Variants in ETV6 observed in about 807,000 individuals in gnomAD.
ETV6 encodes the protein ETS variant transcription factor 6, also known as transcription factor ETV6.
ETV6 carries 16 observed loss-of-function variants against 51.1 expected under a neutral mutation model. That is an observed-to-expected ratio of 0.31 (90% CI 0.21 to 0.48). The LOEUF (loss-of-function observed/expected upper bound fraction) is 0.48. Among genes scored for constraint, ETV6 ranks in the 20% least tolerant of loss-of-function variants. The pLI is 0.99. For missense variants in ETV6, 458 were observed against 594.8 expected (o/e 0.77, Z 2.39); for synonymous variants, 240 against 224.1 (o/e 1.07, Z -0.64).
intron 1 of ETV6, among the ~76,000 whole-genome samples, chr12:11,741,634 C>G (rs1865814260): frequency 6.6e-6 from 1 of 152,128 alleles, no homozygotes; most frequent in Non-Finnish European, 1.5e-5. Context: ...CTGCTTGGAG[C>G]AGTTGTTCAT....
chr12:11,773,762 A>G (rs908101679), intron 2 of ETV6, among the ~76,000 whole-genome samples: 3 of 152,244 alleles, frequency 2.0e-5, no homozygotes, highest in African/African-American at 4.8e-5. Flanking sequence ...TGGAAAACAT[A>G]AACAGACCCT....
chr12:11,864,662 C>G (rs1382061903), intron 4 of ETV6, among the ~76,000 whole-genome samples: 2 of 152,064 alleles, frequency 1.3e-5, no homozygotes, highest in African/African-American at 4.8e-5. Flanking sequence ...TTAGTTGGTG[C>G]CCAGTAAGCA....
chr12:11,874,694 G>A (rs1000242825), intron 5 of ETV6, among the ~76,000 whole-genome samples: 8 of 140,610 alleles, frequency 5.7e-5, no homozygotes, highest in African/African-American at 2.2e-4. Context: ...GTATATGTGT[G>A]TATATATGTA....
intron 7 of ETV6, among the ~76,000 whole-genome samples, chr12:11,890,489 A>G (rs1947270331): frequency 6.6e-6 from 1 of 151,602 alleles, no homozygotes; most frequent in African/African-American, 2.4e-5. Flanking sequence ...GTGCAGTAGC[A>G]TGATCATAGC....
rs1947363550 is a variant in ETV6 at position 11,894,588 on chromosome 12, A to G, written c.*3542A>G. The G allele has an allele frequency of 4.3e-6, 1 of 233,140 alleles. No homozygotes were observed. Among genetic ancestry groups the G allele is most frequent in the African/African-American group, 2.2e-5 (1 of 45,336 alleles). The allele number at this position is 233,140 out of a possible 1,614,324, so 14.4% of individuals were successfully genotyped here. On this transcript the variant is annotated 3_prime_UTR_variant, in exon 8 of 8. Transcript: ENST00000396373. ...TCTGATCCAATGTCTTTTGATACTG[A>G]TCTCTTGTCCAAATGAGAATGTCGC...
chr12:11,861,508 C>A (rs572522252), intron 4 of ETV6, among the ~76,000 whole-genome samples: 1 of 152,320 alleles, frequency 6.6e-6, no homozygotes, highest in South Asian at 2.1e-4. Context: ...ACAGGAGGGA[C>A]CCCTCACCCT....
chr12:11,810,811 A>G (rs1945901749), intron 2 of ETV6, among the ~76,000 whole-genome samples: 1 of 152,188 alleles, frequency 6.6e-6, no homozygotes, highest in South Asian at 2.1e-4. Flanking sequence ...TTGGGGTTAG[A>G]TGGATGATCC....
At chr12:11,690,095 TG>T in intron 1 of ETV6, among the ~76,000 whole-genome samples, 1 of 151,914 alleles carries the variant, frequency 6.6e-6, no homozygotes, top group Non-Finnish European at 1.5e-5. Context: ...GTGCATCTGG[TG>T]GTGTCCAGAG....
chr12:11,837,920 C>T (rs1946339226), intron 2 of ETV6, among the ~76,000 whole-genome samples: 1 of 152,146 alleles, frequency 6.6e-6, no homozygotes, highest in African/African-American at 2.4e-5. Flanking sequence ...CTGTAGTTAC[C>T]ATATTATTAC....
Position 11,885,918 on chromosome 12 carries a change from A to G in ETV6, c.1153-8A>G. 1.2e-6 allele frequency: 2 copies of G among 1,605,996 alleles called. No homozygotes were observed. The highest frequency in any genetic ancestry group is 1.7e-6 in the Non-Finnish European group (2 of 1,174,050). On this transcript the variant is annotated splice_polypyrimidine_tract_variant and splice_region_variant and intron_variant, in intron 6 of 7. Transcript: ENST00000396373. ...CTTTTTTTCTCCCTTCCTCCTTTGA[A>G]CAAACAGAACAGAACAAACATGACC...
intron 2 of ETV6, among the ~76,000 whole-genome samples, chr12:11,776,877 C>A (rs761906392): frequency 1.3e-5 from 2 of 152,202 alleles, no homozygotes; most frequent in Non-Finnish European, 2.9e-5. Flanking sequence ...GCAGCAGAGG[C>A]CACCACCAGC....
At chr12:11,852,531 A>T (rs1217377170) in intron 3 of ETV6, among the ~76,000 whole-genome samples, 1 of 152,180 alleles carries the variant, frequency 6.6e-6, no homozygotes, top group Non-Finnish European at 1.5e-5. Context: ...CTGTAGGGAA[A>T]ATTTCTGTGA....
intron 4 of ETV6, among the ~76,000 whole-genome samples, chr12:11,865,524 C>G (rs2136527890): frequency 6.7e-6 from 1 of 150,294 alleles, no homozygotes; most frequent in South Asian, 2.1e-4. Context: ...TGTGTTTGAG[C>G]AGTCCCTCTC....
intron 5 of ETV6, among the ~76,000 whole-genome samples, chr12:11,881,496 G>T (rs1947093033): frequency 6.6e-6 from 1 of 152,222 alleles, no homozygotes; most frequent in South Asian, 2.1e-4. Flanking sequence ...GGCCCTGGCA[G>T]ATGAGGCATC....
In ETV6 at chr12:11,649,808, G is replaced by A. The variant is rs1357825511; in HGVS notation, c.-320G>A. 2 of 147,160 alleles carry A rather than the reference G, an allele frequency of 1.4e-5. No individual in the cohort carries two copies. The highest frequency in any genetic ancestry group is 4.2e-4 in the South Asian group (2 of 4,810). The allele number at this position is 147,160 out of a possible 1,614,324, so 9.1% of individuals were successfully genotyped here. ...GAGCCGCGGGAGGGCGGGGGGCGGGGGCGCCGGCTGCGGGTGGGAGGAGAG... is the reference window on the plus strand; with the variant it reads ...GAGCCGCGGGAGGGCGGGGGGCGGGAGCGCCGGCTGCGGGTGGGAGGAGAG... On this transcript the variant is annotated 5_prime_UTR_variant, in exon 1 of 8. Transcript: ENST00000396373.
intron 1 of ETV6, among the ~76,000 whole-genome samples, chr12:11,705,998 C>T (rs1865066686): frequency 6.6e-6 from 1 of 152,232 alleles, no homozygotes; most frequent in South Asian, 2.1e-4. Context: ...GGGGGTCACC[C>T]CCTGAACTTT....
intron 1 of ETV6, among the ~76,000 whole-genome samples, chr12:11,677,737 A>G (rs1864448071): frequency 6.6e-6 from 1 of 152,224 alleles, no homozygotes; most frequent in Admixed American, 6.5e-5. Context: ...TTGGCGGACA[A>G]ATTACTGGAC....
rs78443302 is a variant in ETV6, at chr12:11,739,644, C to T, written c.34-12806C>T. On this transcript the variant is annotated intron_variant, in intron 1 of 7. Coordinates refer to ENST00000396373, the MANE Select transcript of ETV6 (RefSeq NM_001987.5). ...CTAATGGAAACTAGACACCAGATTT[C>T]GAAGACTTAGTATGAAAAAAACATA... 6.8e-3 allele frequency among the ~76,000 whole-genome samples: 1,027 copies of T among 152,106 alleles called. 6 individuals carry two copies. The highest frequency in any genetic ancestry group is 0.017 in the Middle Eastern group (5 of 292).
intron 2 of ETV6, among the ~76,000 whole-genome samples, chr12:11,825,050 C>T (rs1042553873): frequency 2.0e-5 from 3 of 152,160 alleles, no homozygotes; most frequent in Admixed American, 6.6e-5. Context: ...AGAATAGCAT[C>T]CCTCAAGAAA....
Sources: allele counts gnomAD v4.1 joint callset (sites outside exome capture counted in the v4.1 genomes callset), GRCh38; gene constraint gnomAD v4.1.1; transcripts MANE v1.5; gene names NCBI Gene and HGNC (gene_info 2026-07-23, HGNC 2026-07-21).